The following ADCYAP1R1 variants were observed in gnomAD, a reference collection of about 807,000 sequenced individuals.
The protein encoded by ADCYAP1R1 is pituitary adenylate cyclase-activating polypeptide type I receptor.
Under a neutral mutation model 67.6 loss-of-function variants are expected in ADCYAP1R1, and 44 were observed. The observed-to-expected ratio is 0.65, with a 90% confidence interval of 0.51 to 0.84. ADCYAP1R1 has a LOEUF of 0.84. ADCYAP1R1 is among the 40% of genes least tolerant of loss of function. The probability of loss-of-function intolerance (pLI) is 0.00; values close to 1 mark genes in which losing one functional copy is unlikely to be tolerated. For synonymous variants in ADCYAP1R1, 222 were observed against 219.6 expected (o/e 1.01, Z -0.10); for missense variants, 477 against 587.9 (o/e 0.81, Z 1.95).
rs781413990 is a variant in ADCYAP1R1, at chr7:31,064,856, T to A, written c.77T>A (p.Ile26Asn). 1 of 1,612,904 alleles carries A rather than the reference T, an allele frequency of 6.2e-7. No homozygotes were observed. The highest frequency in any genetic ancestry group is 8.5e-7 in the Non-Finnish European group (1 of 1,179,508). Residue 26 changes from isoleucine (I) to asparagine (N), a missense_variant, in exon 3 of 16, where the codon ATC becomes AAC. Transcript: ENST00000304166. ...GCCCCTGCCATGCATTCTGACTGCATCTTCAAGAAGGAGCAAGCCATGTGC... is the reference window on the plus strand; with the variant it reads ...GCCCCTGCCATGCATTCTGACTGCAACTTCAAGAAGGAGCAAGCCATGTGC... ...PMAPAMHSDCIFKKEQAMCLE... is the reference protein window; with the variant it reads ...PMAPAMHSDCNFKKEQAMCLE...
rs949812092 is a variant in ADCYAP1R1 at position 31,102,021 on chromosome 7, C to T, written c.1047-1216C>T. ...CCCTGTGTCTCCTCCTTCCTTCCTT[C>T]TCCTCTCTGAATGTAAGCTAGGAAG... is the stretch of plus-strand genomic sequence containing the variant. On this transcript the variant is annotated intron_variant, in intron 13 of 15. Coordinates refer to ENST00000304166, the MANE Select transcript of ADCYAP1R1 (RefSeq NM_001118.5). The surrounding 1 kb of genome is among the most constrained non-coding windows in gnomAD (Gnocchi z 4.3). Among the ~76,000 whole-genome samples, 1 of 152,210 alleles carries T rather than the reference C, an allele frequency of 6.6e-6. No homozygotes were observed. Among genetic ancestry groups the T allele is most frequent in the Non-Finnish European group, 1.5e-5 (1 of 68,030 alleles).
At chr7:31,074,542 G>T (rs902110464) in intron 3 of ADCYAP1R1, among the ~76,000 whole-genome samples, 6 of 152,214 alleles carry the variant, frequency 3.9e-5, no homozygotes, top group African/African-American at 1.4e-4. Context: ...TGTGACCTCG[G>T]CAGTGTCAGC....
chr7:31,073,536 C>G (rs2128622433), intron 3 of ADCYAP1R1, among the ~76,000 whole-genome samples: 2 of 152,200 alleles, frequency 1.3e-5, no homozygotes, highest in Middle Eastern at 6.8e-3. Context: ...TTAGAAAAAC[C>G]CAAGGCTGTC....
At chr7:31,087,856 C>T (rs1049615860) in intron 12 of ADCYAP1R1, among the ~76,000 whole-genome samples, 160 bp downstream of exon 12, 1 of 152,194 alleles carries the variant, frequency 6.6e-6, no homozygotes, top group African/African-American at 2.4e-5. Flanking sequence ...TTTAGCTATT[C>T]CCCTAACACT....
At chr7:31,072,120 G>C (rs548516828) in intron 3 of ADCYAP1R1, among the ~76,000 whole-genome samples, 1 of 151,928 alleles carries the variant, frequency 6.6e-6, no homozygotes, top group East Asian at 1.9e-4. Context: ...CGACTCTGCA[G>C]CAGTAACAAA....
intron 3 of ADCYAP1R1, among the ~76,000 whole-genome samples, chr7:31,066,006 G>A (rs923033759): frequency 2.0e-5 from 3 of 152,206 alleles, no homozygotes; most frequent in Non-Finnish European, 2.9e-5. Context: ...CTTTGCCTCC[G>A]CTGAGCTCTT....
At chr7:31,071,007 C>T (rs79374551) in intron 3 of ADCYAP1R1, among the ~76,000 whole-genome samples, 1,591 of 152,240 alleles carry the variant, frequency 0.01, 24 homozygotes, top group African/African-American at 0.031. Context: ...AAGTAAATTT[C>T]GGTAAATTGA....
intron 14 of ADCYAP1R1, among the ~76,000 whole-genome samples, chr7:31,104,314 A>T (rs1051851569): frequency 6.6e-6 from 1 of 152,200 alleles, no homozygotes; most frequent in African/African-American, 2.4e-5. Flanking sequence ...CATTCAAGAA[A>T]ATGCTCCTGC....
chr7:31,067,665 A>G (rs1246030431), intron 3 of ADCYAP1R1, among the ~76,000 whole-genome samples: 1 of 152,202 alleles, frequency 6.6e-6, no homozygotes, highest in Non-Finnish European at 1.5e-5. Flanking sequence ...CTAAAGAGTG[A>G]CATGCTGTGG....
In ADCYAP1R1 at chr7:31,086,580, T is replaced by TCAGGTGTGTC; in HGVS notation, c.823+54_823+63dup. On this transcript the variant is annotated intron_variant, in intron 10 of 15. Coordinates refer to ENST00000304166, the MANE Select transcript of ADCYAP1R1 (RefSeq NM_001118.5). The surrounding 1 kb of genome is among the most constrained non-coding windows in gnomAD (Gnocchi z 5.0). ...GCTTGGACAGGTTCAGGTCCCGTGG[T>TCAGGTGTGTC]CAGGTGTGTCCAGGTGTGTCTTTGG... The TCAGGTGTGTC allele has an allele frequency of 6.2e-7, 1 of 1,611,182 alleles. No homozygotes were observed. Among genetic ancestry groups the TCAGGTGTGTC allele is most frequent in the Non-Finnish European group, 8.5e-7 (1 of 1,178,180 alleles).
intron 3 of ADCYAP1R1, among the ~76,000 whole-genome samples, chr7:31,075,150 C>T (rs1038114076): frequency 6.6e-6 from 1 of 152,208 alleles, no homozygotes; most frequent in African/African-American, 2.4e-5. Context: ...GCCATCTCAC[C>T]TTGCAGGTCC....
intron 4 of ADCYAP1R1, 38 bp downstream of exon 4, chr7:31,078,136 A>C (rs752786754): frequency 6.5e-7 from 1 of 1,531,996 alleles, no homozygotes; most frequent in Admixed American, 2.0e-5. Flanking sequence ...ACGCTGGCCT[A>C]GCCTGCTCCC....
At position 31,085,300 on chromosome 7, in the gene ADCYAP1R1, A is replaced by G; in HGVS notation, c.537-10A>G. 1 of 1,611,926 alleles carries G rather than the reference A, an allele frequency of 6.2e-7. No homozygotes were observed. The highest frequency in any genetic ancestry group is 1.7e-4 in the Middle Eastern group (1 of 5,950). Reference sequence around the variant, plus strand: ...CCAAGGCTTCTTTCTCCCCTGGCCCACTCATGTAGGAAGCTGCACTGCACA... The same window carrying G: ...CCAAGGCTTCTTTCTCCCCTGGCCCGCTCATGTAGGAAGCTGCACTGCACA... On this transcript the variant is annotated splice_polypyrimidine_tract_variant and intron_variant, in intron 8 of 15. Transcript: ENST00000304166.
chr7:31,070,089 A>G (rs1794909801), intron 3 of ADCYAP1R1, among the ~76,000 whole-genome samples: 1 of 152,158 alleles, frequency 6.6e-6, no homozygotes, highest in Non-Finnish European at 1.5e-5. Context: ...CAGGTCTGTT[A>G]TATCAGACAG....
intron 7 of ADCYAP1R1, 59 bp from the exon 8 acceptor site, chr7:31,084,678 G>A: frequency 6.9e-7 from 1 of 1,443,848 alleles, no homozygotes; most frequent in Non-Finnish European, 9.8e-7. Flanking sequence ...CAGGCCTGAG[G>A]CAGCCTGGCT....
intron 1 of ADCYAP1R1, among the ~76,000 whole-genome samples, chr7:31,053,074 C>T (rs540869270): frequency 6.6e-6 from 1 of 152,022 alleles, no homozygotes; most frequent in Non-Finnish European, 1.5e-5. Flanking sequence ...GCCTCCCTAC[C>T]CTTAGGTGGA....
chr7:31,052,905 A>AC (rs923219198), intron 1 of ADCYAP1R1, among the ~76,000 whole-genome samples: 1 of 151,682 alleles, frequency 6.6e-6, no homozygotes, highest in Non-Finnish European at 1.5e-5. Context: ...TCAGGCTGAC[A>AC]CCCCCCAACC....
At chr7:31,065,059 C>T (rs1258552104) in intron 3 of ADCYAP1R1, 123 bp downstream of exon 3, 3 of 670,026 alleles carry the variant, frequency 4.5e-6, no homozygotes, top group South Asian at 3.8e-5. Flanking sequence ...AGAAGGCCCT[C>T]GAGAATACTG....
chr7:31,094,625 C>A (rs912221073), intron 13 of ADCYAP1R1, among the ~76,000 whole-genome samples: 1 of 152,048 alleles, frequency 6.6e-6, no homozygotes, highest in African/African-American at 2.4e-5. Flanking sequence ...CCCTACTGAA[C>A]CCTGAACATA....
Sources: gnomAD v4.1 joint callset for allele counts (sites outside exome capture counted in the v4.1 genomes callset) on GRCh38, gnomAD v4.1.1 for gene constraint, Gnocchi (gnomAD v3.1) non-coding constraint, MANE v1.5 for transcripts, NCBI Gene and HGNC (gene_info 2026-07-23, HGNC 2026-07-21) for gene names.